LRP1B: variants seen among roughly 807,000 people sequenced by gnomAD.
The protein encoded by LRP1B is low-density lipoprotein receptor-related protein 1B.
A neutral mutation model predicts 556.6 loss-of-function variants in LRP1B; 217 were observed. The observed-to-expected ratio is 0.39, with a 90% CI of 0.35 to 0.44. The LOEUF (loss-of-function observed/expected upper bound fraction) is 0.44, where lower values mean the gene tolerates loss of function less well. Ranked by LOEUF, LRP1B falls within the 20% of genes least tolerant of loss-of-function variation. The pLI is 1.00. For synonymous variants in LRP1B, 2,047 were observed against 1,865.8 expected (o/e 1.10, Z -2.50); for missense variants, 5,053 against 5,620.8 (o/e 0.90, Z 3.23).
intron 7 of LRP1B, among the ~76,000 whole-genome samples, chr2:141,177,629 A>T (rs1159571283): frequency 6.6e-6 from 1 of 152,170 alleles, no homozygotes; most frequent in Non-Finnish European, 1.5e-5. Flanking sequence ...AAGATATTAC[A>T]AAAGAAATGA....
chr2:140,908,840 C>A lies in LRP1B; in HGVS notation c.3320-763G>T, dbSNP rs564846432. ...TTGTGATGGAGTTGCACTCTTGTTGCCCAGGCTGGAGTGCAATGGTGCAAT... is the reference window on the plus strand; with the variant it reads ...TTGTGATGGAGTTGCACTCTTGTTGACCAGGCTGGAGTGCAATGGTGCAAT... On this transcript the variant is annotated intron_variant, in intron 21 of 90. Coordinates refer to ENST00000389484, the MANE Select transcript of LRP1B (RefSeq NM_018557.3). Among the ~76,000 whole-genome samples the A allele has an allele frequency of 5.9e-5, 9 of 152,240 alleles. No homozygotes were observed. In the South Asian group the frequency reaches 1.9e-3, roughly 32 times the overall value.
At chr2:141,250,393 AT>A (rs1387192252) in intron 4 of LRP1B, among the ~76,000 whole-genome samples, 3 of 152,076 alleles carry the variant, frequency 2.0e-5, no homozygotes, top group Non-Finnish European at 2.9e-5. Flanking sequence ...GGGCTAAAAA[AT>A]AACTCTTGAA....
intron 35 of LRP1B, among the ~76,000 whole-genome samples, chr2:140,722,377 T>A (rs1039902747): frequency 2.0e-5 from 3 of 152,168 alleles, no homozygotes; most frequent in Admixed American, 2.0e-4. Context: ...GATATATGAG[T>A]GATACCTTTA....
At chr2:141,551,897 G>T (rs932894144) in intron 2 of LRP1B, among the ~76,000 whole-genome samples, 1 of 151,910 alleles carries the variant, frequency 6.6e-6, no homozygotes, top group South Asian at 2.1e-4. Context: ...TTTTATTATG[G>T]AATTTGTGCA....
At chr2:140,284,872 A>C (rs1285805384) in intron 84 of LRP1B, among the ~76,000 whole-genome samples, 1 of 148,270 alleles carries the variant, frequency 6.7e-6, no homozygotes, top group Non-Finnish European at 1.5e-5. Flanking sequence ...CTCTATGTAT[A>C]TATCTATCTA....
intron 41 of LRP1B, among the ~76,000 whole-genome samples, chr2:140,641,458 T>C (rs1337321721): frequency 6.6e-6 from 1 of 152,230 alleles, no homozygotes; most frequent in African/African-American, 2.4e-5. Flanking sequence ...TTAAGATTTC[T>C]AAAGTTTTCC....
chr2:141,126,219 A>C (rs1157014222), intron 7 of LRP1B, among the ~76,000 whole-genome samples: 4 of 152,050 alleles, frequency 2.6e-5, no homozygotes, highest in African/African-American at 9.7e-5. Flanking sequence ...TTTTTAGTAG[A>C]GACGGGGTTT....
intron 41 of LRP1B, among the ~76,000 whole-genome samples, chr2:140,663,212 T>A (rs1003190404): frequency 2.0e-5 from 3 of 152,240 alleles, no homozygotes; most frequent in South Asian, 2.1e-4. Context: ...AAATTCCTAC[T>A]AAGATACTAA....
intron 11 of LRP1B, among the ~76,000 whole-genome samples, chr2:141,036,471 G>A (rs1698535230): frequency 6.6e-6 from 1 of 152,062 alleles, no homozygotes; most frequent in East Asian, 1.9e-4. Flanking sequence ...CACTGGGGAA[G>A]AGAAAGAAGA....
At chr2:140,753,020 T>C (rs1054977350) in intron 35 of LRP1B, among the ~76,000 whole-genome samples, 23 of 152,324 alleles carry the variant, frequency 1.5e-4, no homozygotes, top group African/African-American at 5.3e-4. Flanking sequence ...AACTCCTCTA[T>C]GCTCCATCTA....
chr2:141,428,664 C>T (rs4311007), intron 3 of LRP1B, among the ~76,000 whole-genome samples: 28,539 of 152,104 alleles, frequency 0.19, 3,548 homozygotes, highest in East Asian at 0.45. Context: ...GTCAACATCC[C>T]TCTCTGTTCT....
At chr2:141,161,776 A>G (rs1343802267) in intron 7 of LRP1B, among the ~76,000 whole-genome samples, 2 of 152,116 alleles carry the variant, frequency 1.3e-5, no homozygotes, top group East Asian at 3.9e-4. Context: ...GGTGATTCTT[A>G]AACTCAGGAT....
chr2:140,443,278 C>T (rs1686508952), intron 65 of LRP1B, among the ~76,000 whole-genome samples: 1 of 152,134 alleles, frequency 6.6e-6, no homozygotes, highest in Non-Finnish European at 1.5e-5. Flanking sequence ...CCAGGCTCAT[C>T]TCGAACTCCT....
At chr2:141,564,809 G>T (rs924117330) in intron 2 of LRP1B, among the ~76,000 whole-genome samples, 2 of 151,896 alleles carry the variant, frequency 1.3e-5, no homozygotes, top group African/African-American at 2.4e-5. Context: ...GTGGCAAAAG[G>T]TCAAAAAATA....
At chr2:141,416,380 T>C (rs1342272682) in intron 3 of LRP1B, among the ~76,000 whole-genome samples, 1 of 152,108 alleles carries the variant, frequency 6.6e-6, no homozygotes, top group Non-Finnish European at 1.5e-5. Flanking sequence ...GAGGATTAAT[T>C]TAGGCAAGAC....
chr2:140,525,134 A>G (rs1690374143), intron 49 of LRP1B, among the ~76,000 whole-genome samples: 1 of 151,900 alleles, frequency 6.6e-6, no homozygotes, highest in Non-Finnish European at 1.5e-5. Flanking sequence ...CATGAAAAAC[A>G]TGGGTGTAGC....
intron 2 of LRP1B, among the ~76,000 whole-genome samples, chr2:141,672,138 A>G (rs559569323): frequency 6.6e-6 from 1 of 152,322 alleles, no homozygotes; most frequent in African/African-American, 2.4e-5. Flanking sequence ...AGAAAATACT[A>G]ATAGATTAAC....
chr2:140,862,688 A>T (rs1692833554), intron 27 of LRP1B, among the ~76,000 whole-genome samples: 1 of 152,168 alleles, frequency 6.6e-6, no homozygotes, highest in Non-Finnish European at 1.5e-5. Flanking sequence ...TGTAATGGTT[A>T]TCTTTATATG....
At chr2:140,310,817 A>T (rs866945436) in intron 83 of LRP1B, among the ~76,000 whole-genome samples, 1 of 151,894 alleles carries the variant, frequency 6.6e-6, no homozygotes, top group African/African-American at 2.4e-5. Context: ...CCTAGGAAAA[A>T]CTTTCCAGGA....
Sources: allele counts gnomAD v4.1 joint callset (sites outside exome capture counted in the v4.1 genomes callset), GRCh38; gene constraint gnomAD v4.1.1; transcripts MANE v1.5; gene names NCBI Gene and HGNC (gene_info 2026-07-23, HGNC 2026-07-21).